TIAM1: variants seen among roughly 807,000 people sequenced by gnomAD.
TIAM1 encodes rho guanine nucleotide exchange factor TIAM1.
Under a neutral mutation model 163.5 loss-of-function variants are expected in TIAM1, and 65 were observed. The ratio of observed to expected loss-of-function variants is 0.40; its 90% CI spans 0.33 to 0.49. TIAM1 has a LOEUF of 0.49. Ranked by LOEUF, TIAM1 falls within the 20% of genes least tolerant of loss-of-function variation. The probability of loss-of-function intolerance (pLI) is 0.77; values close to 1 mark genes in which losing one functional copy is unlikely to be tolerated. For synonymous variants in TIAM1, 833 were observed against 810.1 expected, an observed-to-expected ratio of 1.03 and a Z score of -0.48; for missense variants, 1,789 against 2,044.7, an observed-to-expected ratio of 0.87 and a Z score of 2.41.
intron 25 of TIAM1, among the ~76,000 whole-genome samples, chr21:31,129,922 A>T (rs751543841): frequency 6.6e-6 from 1 of 152,182 alleles, no homozygotes; most frequent in Non-Finnish European, 1.5e-5. Context: ...TATAGTATTA[A>T]TCTATAGAAT....
At chr21:31,558,382 C>A (rs2048967148) in intron 1 of TIAM1, among the ~76,000 whole-genome samples, 1 of 152,206 alleles carries the variant, frequency 6.6e-6, no homozygotes, top group African/African-American at 2.4e-5. Context: ...GGGCTTTCCG[C>A]CCGGTGAGCC....
chr21:31,217,037 T>C (rs972179380), intron 9 of TIAM1, among the ~76,000 whole-genome samples: 4 of 151,946 alleles, frequency 2.6e-5, no homozygotes, highest in African/African-American at 9.7e-5. Flanking sequence ...TGAAACCCCA[T>C]CTCTACTAAA....
At chr21:31,548,045 T>C (rs1465367963) in intron 1 of TIAM1, among the ~76,000 whole-genome samples, 1 of 151,678 alleles carries the variant, frequency 6.6e-6, no homozygotes, top group Non-Finnish European at 1.5e-5. Flanking sequence ...TGCCTCAAGA[T>C]AGCTCAGTTC....
At chr21:31,500,361 A>C (rs980115016) in intron 1 of TIAM1, among the ~76,000 whole-genome samples, 4 of 152,044 alleles carry the variant, frequency 2.6e-5, no homozygotes, top group Admixed American at 6.6e-5. Context: ...AACCTTCAAA[A>C]AGGTGAAGCT....
chr21:31,369,283 A>C (rs903765025), intron 2 of TIAM1, among the ~76,000 whole-genome samples: 1 of 151,940 alleles, frequency 6.6e-6, no homozygotes, highest in Non-Finnish European at 1.5e-5. Context: ...ATGAGACTGA[A>C]GGTACACATG....
chr21:31,269,817 G>A (rs927518838), intron 3 of TIAM1, among the ~76,000 whole-genome samples: 6 of 151,850 alleles, frequency 4.0e-5, no homozygotes, highest in East Asian at 3.9e-4. Flanking sequence ...GACTACAGGC[G>A]CCCGCCACCA....
intron 1 of TIAM1, among the ~76,000 whole-genome samples, chr21:31,527,105 A>G (rs1038715739): frequency 6.6e-6 from 1 of 152,164 alleles, no homozygotes; most frequent in African/African-American, 2.4e-5. Flanking sequence ...CTGGGCTCCA[A>G]CACAGAGACT....
intron 1 of TIAM1, among the ~76,000 whole-genome samples, chr21:31,473,157 A>G (rs2045808398): frequency 6.6e-6 from 1 of 152,142 alleles, no homozygotes; most frequent in South Asian, 2.1e-4. Flanking sequence ...GCAGCCAGGC[A>G]CGGTGGCTCA....
At chr21:31,219,596 T>A (rs1022513880) in intron 8 of TIAM1, among the ~76,000 whole-genome samples, 1 of 152,158 alleles carries the variant, frequency 6.6e-6, no homozygotes, top group Non-Finnish European at 1.5e-5. Context: ...CAGGGACCCC[T>A]ACGTACATTA....
intron 2 of TIAM1, among the ~76,000 whole-genome samples, chr21:31,378,935 T>C (rs2076733053): frequency 6.6e-6 from 1 of 152,170 alleles, no homozygotes; most frequent in African/African-American, 2.4e-5. Flanking sequence ...AGAATGTGCA[T>C]AGGTTTTGTG....
At chr21:31,210,418 T>G (rs2086661651) in intron 10 of TIAM1, among the ~76,000 whole-genome samples, 1 of 150,854 alleles carries the variant, frequency 6.6e-6, no homozygotes, top group Non-Finnish European at 1.5e-5. Flanking sequence ...GATTTCAAAC[T>G]TCAGCTGTGA....
At chr21:31,219,237 CA>C (rs1426251025) in intron 8 of TIAM1, among the ~76,000 whole-genome samples, 2 of 152,006 alleles carry the variant, frequency 1.3e-5, no homozygotes, top group African/African-American at 4.8e-5. Flanking sequence ...TACCAGGTGG[CA>C]AGCAAAGTCC....
chr21:31,337,516 T>C (rs1342010259), intron 2 of TIAM1, among the ~76,000 whole-genome samples: 1 of 131,102 alleles, frequency 7.6e-6, no homozygotes, highest in African/African-American at 3.2e-5. Flanking sequence ...ATTATTATTG[T>C]TGTTATTATT....
At chr21:31,438,939 A>G (rs978154425) in intron 2 of TIAM1, among the ~76,000 whole-genome samples, 1 of 152,242 alleles carries the variant, frequency 6.6e-6, no homozygotes, top group African/African-American at 2.4e-5. Flanking sequence ...GTTGAGAAAT[A>G]ATAATCTAAA....
chr21:31,374,301 C>A lies in TIAM1; in HGVS notation c.-368-34879G>T, dbSNP rs974494961. ...AAGAGGATGGGAAGCAACCACTGGG[C>A]AAACGATCAAAAACTATCCACTACA... On this transcript the variant is annotated intron_variant, in intron 2 of 28. Coordinates refer to the TIAM1 transcript ENST00000286827. 4.6e-5 allele frequency among the ~76,000 whole-genome samples: 7 copies of A among 152,262 alleles called. No homozygotes were observed. In the South Asian group the frequency reaches 1.5e-3, roughly 32 times the overall value.
chr21:31,374,494 C>A (rs2076651874), intron 2 of TIAM1, among the ~76,000 whole-genome samples: 1 of 152,190 alleles, frequency 6.6e-6, no homozygotes. Context: ...GAATCCAGCA[C>A]TCAGGACTAA....
intron 2 of TIAM1, among the ~76,000 whole-genome samples, chr21:31,325,983 C>G (rs2075475031): frequency 6.6e-6 from 1 of 152,122 alleles, no homozygotes; most frequent in African/African-American, 2.4e-5. Context: ...GAAGAGCATC[C>G]CTTTGCAAAC....
intron 2 of TIAM1, chr21:31,453,329 G>A (rs2044946866): frequency 1.2e-5 from 2 of 168,294 alleles, no homozygotes; most frequent in Non-Finnish European, 2.5e-5. Context: ...TGAAGGGGCT[G>A]TGTGGCAGGA....
intron 23 of TIAM1, among the ~76,000 whole-genome samples, chr21:31,135,155 A>C (rs1005886548): frequency 6.6e-6 from 1 of 152,202 alleles, no homozygotes; most frequent in African/African-American, 2.4e-5. Flanking sequence ...ACGCAACCTA[A>C]AACAAAAGCA....
Sources: allele counts gnomAD v4.1 joint callset (sites outside exome capture counted in the v4.1 genomes callset), GRCh38; gene constraint gnomAD v4.1.1; transcripts MANE v1.5; gene names NCBI Gene and HGNC (gene_info 2026-07-23, HGNC 2026-07-21).